Variants in AHRR observed in about 807,000 individuals in gnomAD.
AHRR encodes aryl hydrocarbon receptor repressor, also known as ahR repressor.
A neutral mutation model predicts 44.0 loss-of-function variants in AHRR; 28 were observed. That is an observed-to-expected ratio of 0.64 (90% CI 0.47 to 0.87). The LOEUF (loss-of-function observed/expected upper bound fraction) is 0.87, where lower values mean the gene tolerates loss of function less well. Among genes scored for constraint, AHRR ranks in the 40% least tolerant of loss-of-function variants. The pLI, the probability that AHRR is intolerant of heterozygous loss-of-function variation, is 0.00. For synonymous variants in AHRR, 434 were observed against 407.0 expected, an observed-to-expected ratio of 1.07 and a Z score of -0.80; for missense variants, 990 against 953.9, an observed-to-expected ratio of 1.04 and a Z score of -0.50.
intron 5 of AHRR, chr5:421,226 C>G (rs1736098015): frequency 5.8e-6 from 4 of 685,432 alleles, no homozygotes; most frequent in Admixed American, 4.1e-5. Flanking sequence ...TCCTCGTCGG[C>G]AACGCCCACC....
chr5:435,270 G>A lies in AHRR; in HGVS notation c.*436G>A, dbSNP rs74462455. On this transcript the variant is annotated 3_prime_UTR_variant, in exon 11 of 11. Transcript: ENST00000684583. ...CCAAGTCCGCAGTCGGGGATGAAGC[G>A]GTCGGGTGACACACCTAGCTCAGCC... 2.1e-5 allele frequency: 4 copies of A among 195,088 alleles called. No homozygotes were observed. Among genetic ancestry groups the A allele is most frequent in the African/African-American group, 4.7e-5 (2 of 42,774 alleles). The allele number at this position is 195,088 out of a possible 1,614,324, so 12.1% of individuals were successfully genotyped here. A position where few individuals can be genotyped will look rare whatever the true frequency, so the allele number is the denominator to read the frequency against.
At position 374,120 on chromosome 5, in the gene AHRR, GGTGGTCGGTCTGT is replaced by G. The variant is rs556736256; in HGVS notation, c.245-2486_245-2474del. ...GGGGCTTGGCTGCACCGGCCGCCTG[GGTGGTCGGTCTGT>G]GTGCGGGTGACCCAGGCGTGTGCCC... On this transcript the variant is annotated intron_variant, in intron 3 of 10. Transcript: ENST00000684583. Among the ~76,000 whole-genome samples the G allele has an allele frequency of 2.7e-4, 41 of 152,264 alleles. 1 individual carries two copies. The East Asian group carries it at 7.8e-3, about 29-fold the overall frequency.
At chr5:364,091 T>C (rs1210377252) in intron 3 of AHRR, among the ~76,000 whole-genome samples, 2 of 152,256 alleles carry the variant, frequency 1.3e-5, no homozygotes. Flanking sequence ...TGAGGCATCC[T>C]TCTACTGATA....
Position 387,944 on chromosome 5 carries a change from C to T in AHRR, c.351+11228C>T, listed in dbSNP as rs1734237766. Among the ~76,000 whole-genome samples the T allele has an allele frequency of 2.0e-5, 3 of 152,014 alleles. No homozygotes were observed. The highest frequency in any genetic ancestry group is 7.2e-5 in the African/African-American group (3 of 41,426). ...CTCTTGGGGAGAGTGTACTCCACAC[C>T]CCCTCGCTTCTGGAATGTTCTTCTT... On this transcript the variant is annotated intron_variant, in intron 4 of 10. Transcript: ENST00000684583. This position sits in a 1 kb window ranked among gnomAD's most constrained non-coding sequence, Gnocchi z 5.1.
Position 338,829 on chromosome 5 carries a change from A to G in AHRR, c.-10-5064A>G, listed in dbSNP as rs1382606567. On this transcript the variant is annotated intron_variant, in intron 1 of 10. Coordinates refer to ENST00000684583, the MANE Select transcript of AHRR (RefSeq NM_001377236.1). This position sits in a 1 kb window ranked among gnomAD's most constrained non-coding sequence, Gnocchi z 4.1. Reference sequence around the variant, plus strand: ...TTTACAATTCTCATTACATTTGGAAAAAATTTCTGCTGTTTCTTACATTTT... The same window carrying G: ...TTTACAATTCTCATTACATTTGGAAGAAATTTCTGCTGTTTCTTACATTTT... Among the ~76,000 whole-genome samples the G allele has an allele frequency of 6.6e-6, 1 of 152,204 alleles. No homozygotes were observed. The highest frequency in any genetic ancestry group is 2.4e-5 in the African/African-American group (1 of 41,442).
chr5:398,404 TCCAC>T (rs1734860414), intron 4 of AHRR, among the ~76,000 whole-genome samples: 1 of 134,830 alleles, frequency 7.4e-6, no homozygotes, highest in African/African-American at 2.8e-5. Flanking sequence ...CCCCTGACTG[TCCAC>T]CTTAGCCCCT....
At chr5:415,643 T>TCGGGCGGGAGGCCTA (rs1735754805) in intron 5 of AHRR, among the ~76,000 whole-genome samples, 6 of 146,058 alleles carry the variant, frequency 4.1e-5, no homozygotes, top group South Asian at 2.1e-4. Flanking sequence ...ATCTGCCTGG[T>TCGGGCGGGAGGCCTA]GGGGCGGGAG....
chr5:384,892 T>C (rs1734109707), intron 4 of AHRR, among the ~76,000 whole-genome samples: 1 of 152,122 alleles, frequency 6.6e-6, no homozygotes, highest in South Asian at 2.1e-4. Context: ...ATGCCTGTTA[T>C]CCCAGCACTT....
In AHRR at chr5:389,770, G is replaced by A. The variant is rs568488110; in HGVS notation, c.351+13054G>A. ...GGCACAGGCCCGCTCTGGCACCTGCGCCAGCATTGCTGGGTTCTTAAGGAA... is the reference window on the plus strand; with the variant it reads ...GGCACAGGCCCGCTCTGGCACCTGCACCAGCATTGCTGGGTTCTTAAGGAA... On this transcript the variant is annotated intron_variant, in intron 4 of 10. Transcript: ENST00000684583. 1.2e-4 allele frequency among the ~76,000 whole-genome samples: 18 copies of A among 151,984 alleles called. No homozygotes were observed. In the South Asian group the frequency reaches 2.3e-3, roughly 19 times the overall value.
rs1050702767 is a variant in AHRR, at chr5:370,603, A to G, written c.245-6007A>G. Among the ~76,000 whole-genome samples, 15 of 152,012 alleles carry G rather than the reference A, an allele frequency of 9.9e-5. No individual in the cohort carries two copies. The highest frequency in any genetic ancestry group is 3.4e-4 in the African/African-American group (14 of 41,390). The stretch of plus-strand genomic sequence containing the variant: ...TCCATAGGGGACAGCCCCCAGGAAG[A>G]TGCAGGTGACAGGGGTGGGGTGGAC... On this transcript the variant is annotated intron_variant, in intron 3 of 10. Coordinates refer to ENST00000684583, the MANE Select transcript of AHRR (RefSeq NM_001377236.1). This position sits in a 1 kb window ranked among gnomAD's most constrained non-coding sequence, Gnocchi z 4.5.
chr5:324,784 C>T (rs1012508310), intron 1 of AHRR, among the ~76,000 whole-genome samples: 6 of 152,100 alleles, frequency 3.9e-5, no homozygotes, highest in Non-Finnish European at 7.4e-5. Context: ...AGTGAAACTC[C>T]GTCTCAAAAA....
At position 391,585 on chromosome 5, in the gene AHRR, A is replaced by C. The variant is rs74195251; in HGVS notation, c.351+14869A>C. ...GAGCGTGCACGGGGGCAGGGCGAGG[A>C]GGGCGCAGGGCGAGGCAGGGCCAGA... On this transcript the variant is annotated intron_variant, in intron 4 of 10. Transcript: ENST00000684583. Among the ~76,000 whole-genome samples the C allele has an allele frequency of 9.6e-3, 51 of 5,322 alleles. 4 individuals are homozygous for C. The highest frequency in any genetic ancestry group is 0.031 in the African/African-American group (15 of 484). The allele number at this position is 5,322 out of a possible 152,430, so 3.5% of individuals were successfully genotyped here. A position where few individuals can be genotyped will look rare whatever the true frequency, so the allele number is the denominator to read the frequency against.
Position 342,138 on chromosome 5 carries a change from TA to T in AHRR, c.-10-1750del, listed in dbSNP as rs1742370112. Among the ~76,000 whole-genome samples, 1 of 152,246 alleles carries T rather than the reference TA, an allele frequency of 6.6e-6. No homozygotes were observed. The highest frequency in any genetic ancestry group is 1.5e-5 in the Non-Finnish European group (1 of 68,050). The stretch of plus-strand genomic sequence containing the variant: ...TCTGTCTTGGCGAATGTTACATGTG[TA>T]AAAACCAGATACTCTTCGGTTGTTG... On this transcript the variant is annotated intron_variant, in intron 1 of 10. Coordinates refer to ENST00000684583, the MANE Select transcript of AHRR (RefSeq NM_001377236.1). This position sits in a 1 kb window ranked among gnomAD's most constrained non-coding sequence, Gnocchi z 4.3.
rs1396424987 is a variant in AHRR at position 406,259 on chromosome 5, C to T, written c.352-7085C>T. ...CCTTCCAGCCAGTGGCTCTGTGAGC[C>T]GCCTCTTGTCTGCATTTCTTGCAGG... On this transcript the variant is annotated intron_variant, in intron 4 of 10. Transcript: ENST00000684583. This position sits in a 1 kb window ranked among gnomAD's most constrained non-coding sequence, Gnocchi z 4.7. Among the ~76,000 whole-genome samples, 7 of 152,126 alleles carry T rather than the reference C, an allele frequency of 4.6e-5. No individual in the cohort carries two copies. The highest frequency in any genetic ancestry group is 1.4e-4 in the African/African-American group (6 of 41,426).
intron 4 of AHRR, among the ~76,000 whole-genome samples, chr5:412,244 A>C (rs983212734): frequency 6.6e-6 from 1 of 152,250 alleles, no homozygotes; most frequent in Admixed American, 6.5e-5. Flanking sequence ...AAATATTTTA[A>C]GATGCCATAG....
At chr5:423,700 A>T in intron 6 of AHRR, 141 bp from the exon 7 acceptor site, 1 of 1,179,048 alleles carries the variant, frequency 8.5e-7, no homozygotes, top group Non-Finnish European at 1.1e-6. Context: ...TGACATCTAG[A>T]GGGATGCTGG....
At chr5:394,019 T>C (rs1207919355) in intron 4 of AHRR, among the ~76,000 whole-genome samples, 1 of 152,256 alleles carries the variant, frequency 6.6e-6, no homozygotes, top group Non-Finnish European at 1.5e-5. Flanking sequence ...TCTTTGGTTC[T>C]GGACATTCTG....
chr5:353,745 G>A lies in AHRR; in HGVS notation c.78G>A (p.Gly26=), dbSNP rs761587153. ...RPLQKQRPAV[G]AEKSNPSKRH... is the part of the protein sequence containing the mutation. Reference sequence around the variant, plus strand: ...CTCCCCACAGGAGGCCCGCCGTGGGGGCAGAGAAGTCCAACCCCTCCAAGC... The same window carrying A: ...CTCCCCACAGGAGGCCCGCCGTGGGAGCAGAGAAGTCCAACCCCTCCAAGC... Residue 26 remains glycine, a synonymous_variant, in exon 3 of 11, where the codon GGG becomes GGA. Transcript: ENST00000684583. The A allele has an allele frequency of 8.1e-6, 13 of 1,611,180 alleles. No homozygotes were observed. Among genetic ancestry groups the A allele is most frequent in the Admixed American group, 1.7e-5 (1 of 59,918 alleles).
At chr5:420,874 ACGC>A in intron 5 of AHRR, 1 of 342,404 alleles carries the variant, frequency 2.9e-6, no homozygotes, top group African/African-American at 2.2e-5. Flanking sequence ...CCACCCACCC[ACGC>A]AGCACGCACA....
Sources: allele counts gnomAD v4.1 joint callset (sites outside exome capture counted in the v4.1 genomes callset), GRCh38; gene constraint gnomAD v4.1.1; non-coding constraint Gnocchi (gnomAD v3.1); transcripts MANE v1.5; gene names NCBI Gene and HGNC (gene_info 2026-07-23, HGNC 2026-07-21).